ESRRG: variants seen among roughly 807,000 people sequenced by gnomAD.
ESRRG encodes the protein estrogen related receptor gamma.
A neutral mutation model predicts 44.0 loss-of-function variants in ESRRG; 13 were observed. That is an observed-to-expected ratio of 0.30 (90% confidence interval 0.19 to 0.47). The LOEUF (loss-of-function observed/expected upper bound fraction) is 0.47. Ranked by LOEUF, ESRRG falls within the 20% of genes least tolerant of loss-of-function variation. The pLI is 1.00. For missense variants in ESRRG, 395 were observed against 580.6 expected, an observed-to-expected ratio of 0.68 and a Z score of 3.29; for synonymous variants, 215 against 214.6, an observed-to-expected ratio of 1.00 and a Z score of -0.02.
intron 1 of ESRRG, chr1:216,715,076 G>T (rs1003865672): frequency 6.1e-6 from 6 of 985,282 alleles, no homozygotes; most frequent in Non-Finnish European, 7.2e-6. Flanking sequence ...GCTCCCACCT[G>T]AGCCCAACTC....
At chr1:216,790,923 A>G (rs189674653) in intron 2 of ESRRG, among the ~76,000 whole-genome samples, 1 of 152,298 alleles carries the variant, frequency 6.6e-6, no homozygotes, top group Admixed American at 6.5e-5. Context: ...CAGAACCTCA[A>G]CATTGTGAAA....
At chr1:216,757,674 T>C (rs1335754106) in intron 2 of ESRRG, among the ~76,000 whole-genome samples, 1 of 151,998 alleles carries the variant, frequency 6.6e-6, no homozygotes, top group Admixed American at 6.6e-5. Context: ...AAATTTACAA[T>C]CTAACAACCT....
chr1:216,748,878 T>C (rs1486774509), intron 2 of ESRRG, among the ~76,000 whole-genome samples: 2 of 152,168 alleles, frequency 1.3e-5, no homozygotes, highest in Admixed American at 6.5e-5. Context: ...GGGCACCACA[T>C]ACCCTTATAG....
chr1:216,539,259 C>T (rs2051949157), intron 5 of ESRRG, among the ~76,000 whole-genome samples: 1 of 151,748 alleles, frequency 6.6e-6, no homozygotes, highest in Non-Finnish European at 1.5e-5. Context: ...AATATATTTG[C>T]TGACAATTTC....
chr1:216,745,768 G>C (rs568684662), intron 2 of ESRRG, among the ~76,000 whole-genome samples: 1 of 152,254 alleles, frequency 6.6e-6, no homozygotes, highest in South Asian at 2.1e-4. Flanking sequence ...ATCTGTAAAA[G>C]ACACACTCAA....
At chr1:216,841,009 C>A (rs2095644601) in intron 2 of ESRRG, among the ~76,000 whole-genome samples, 1 of 152,000 alleles carries the variant, frequency 6.6e-6, no homozygotes, top group Non-Finnish European at 1.5e-5. Context: ...GGAAAAATGG[C>A]AGTAGGTTTG....
chr1:216,688,394 C>T (rs905384926), intron 1 of ESRRG, among the ~76,000 whole-genome samples: 2 of 152,178 alleles, frequency 1.3e-5, no homozygotes, highest in East Asian at 1.9e-4. Flanking sequence ...CGCAAAGAAC[C>T]TTTAATTTCC....
At chr1:216,863,206 T>G (rs911856791) in intron 2 of ESRRG, 1 of 152,136 alleles carries the variant, frequency 6.6e-6, no homozygotes, top group Non-Finnish European at 1.5e-5. Context: ...ACAGGCTCTC[T>G]GTGAATGCTG....
At chr1:216,736,151 T>C (rs892386410) in intron 2 of ESRRG, among the ~76,000 whole-genome samples, 2 of 149,858 alleles carry the variant, frequency 1.3e-5, no homozygotes, top group Non-Finnish European at 3.0e-5. Flanking sequence ...ATCCAAAATA[T>C]GGTGCTTCTA....
chr1:216,657,911 T>C (rs17626398), intron 2 of ESRRG, among the ~76,000 whole-genome samples: 5,898 of 152,194 alleles, frequency 0.039, 166 homozygotes, highest in Admixed American at 0.054. Flanking sequence ...ATTCTGACAA[T>C]CATAAATGTA....
chr1:216,897,056 AGAGAT>A (rs1287909359), intron 2 of ESRRG, among the ~76,000 whole-genome samples: 1 of 152,186 alleles, frequency 6.6e-6, no homozygotes, highest in African/African-American at 2.4e-5. Context: ...GGGGATGAAA[AGAGAT>A]GAGAAGAGTT....
intron 2 of ESRRG, among the ~76,000 whole-genome samples, chr1:216,866,226 C>T (rs2096154563): frequency 6.6e-6 from 1 of 152,090 alleles, no homozygotes; most frequent in Admixed American, 6.6e-5. Flanking sequence ...CCATACAAGC[C>T]ATGTACATAC....
intron 5 of ESRRG, 32 bp from the exon 6 acceptor site, chr1:216,519,453 T>C (rs2045397185): frequency 1.3e-6 from 2 of 1,576,512 alleles, no homozygotes; most frequent in East Asian, 4.5e-5. Context: ...TCAAGTTACT[T>C]TAAAGCCATA....
intron 2 of ESRRG, among the ~76,000 whole-genome samples, chr1:216,811,315 A>C (rs1217623454): frequency 1.3e-5 from 2 of 152,154 alleles, no homozygotes; most frequent in African/African-American, 4.8e-5. Flanking sequence ...TATCGTCCAC[A>C]TTTGTAATGG....
At chr1:216,598,191 GA>G (rs1268146044) in intron 3 of ESRRG, among the ~76,000 whole-genome samples, 1 of 152,040 alleles carries the variant, frequency 6.6e-6, no homozygotes, top group Non-Finnish European at 1.5e-5. Context: ...TGTTTTATAG[GA>G]AATATAGAAC....
intron 2 of ESRRG, among the ~76,000 whole-genome samples, chr1:216,666,921 AAG>A (rs2074052134): frequency 6.6e-6 from 1 of 152,186 alleles, no homozygotes; most frequent in Non-Finnish European, 1.5e-5. Context: ...GGGGCAGGTT[AAG>A]AGAACTCTCC....
At chr1:217,073,209 A>C (rs1183606236) in intron 1 of ESRRG, among the ~76,000 whole-genome samples, 3 of 72,024 alleles carry the variant, frequency 4.2e-5, no homozygotes, top group South Asian at 6.8e-4. Context: ...AAAAAAAAAA[A>C]AAAAAAAAAA....
intron 2 of ESRRG, among the ~76,000 whole-genome samples, chr1:216,923,224 A>AT (rs2149734216): frequency 6.6e-6 from 1 of 152,334 alleles, no homozygotes; most frequent in South Asian, 2.1e-4. Flanking sequence ...TGAGCTACAC[A>AT]TATGCAGCCA....
intron 2 of ESRRG, among the ~76,000 whole-genome samples, chr1:216,734,904 CTTT>C (rs11309409): frequency 0.014 from 1,368 of 100,344 alleles, 18 homozygotes; most frequent in African/African-American, 0.05. Context: ...GTTCCATATT[CTTT>C]TTTTTTTTTT....
Sources: allele counts gnomAD v4.1 joint callset (sites outside exome capture counted in the v4.1 genomes callset), GRCh38; gene constraint gnomAD v4.1.1; transcripts MANE v1.5; gene names NCBI Gene and HGNC (gene_info 2026-07-23, HGNC 2026-07-21).